The following RSRP1 variants were observed in gnomAD, a reference collection of about 807,000 sequenced individuals.
RSRP1 encodes the protein arginine/serine-rich protein 1.
A neutral mutation model predicts 33.0 loss-of-function variants in RSRP1; 37 were observed. That is an observed-to-expected ratio of 1.12 (90% CI 0.86 to 1.48). The LOEUF is 1.48. Among genes scored for constraint, RSRP1 ranks in the 40% most tolerant of loss-of-function variants. The pLI is 0.00. For synonymous variants in RSRP1, 167 were observed against 158.7 expected (o/e 1.05, Z -0.40); for missense variants, 402 against 385.3 (o/e 1.04, Z -0.36).
chr1:25,299,963 T>C lies in RSRP1; in HGVS notation c.-67+38015A>G, dbSNP rs1643259152. Among the ~76,000 whole-genome samples, 2 of 130,898 alleles carry C rather than the reference T, an allele frequency of 1.5e-5. 1 individual carries two copies. The highest frequency in any genetic ancestry group is 5.3e-5 in the African/African-American group (2 of 38,080). The allele number at this position is 130,898 out of a possible 152,430, so 85.9% of individuals were successfully genotyped here. On this transcript the variant is annotated intron_variant, in intron 1 of 1. Coordinates refer to the RSRP1 transcript ENST00000561867. ...CAGGGTTTTGCCATGTTGGCCAGGCTGGTATCGAACTCCTGACCTCAGGTG... is the reference window on the plus strand; with the variant it reads ...CAGGGTTTTGCCATGTTGGCCAGGCCGGTATCGAACTCCTGACCTCAGGTG...
At position 25,284,846 on chromosome 1, in the gene RSRP1, C is replaced by T; in HGVS notation, c.-66-37817G>A. Reference sequence around the variant, plus strand: ...GTTCCAGAAGATCTGGGATATTGCCCCCTCTCTGTCTAGCACCAGTGCTGT... The same window carrying T: ...GTTCCAGAAGATCTGGGATATTGCCTCCTCTCTGTCTAGCACCAGTGCTGT... On this transcript the variant is annotated intron_variant, in intron 1 of 1. Transcript: ENST00000561867. 2.5e-6 allele frequency: 3 copies of T among 1,213,944 alleles called. No homozygotes were observed. In the Admixed American group the frequency reaches 5.8e-5, roughly 23 times the overall value. 75.2% of individuals were successfully genotyped at this position (1,213,944 alleles called of 1,614,324 possible). A position where few individuals can be genotyped will look rare whatever the true frequency, so the allele number is the denominator to read the frequency against.
In RSRP1 at chr1:25,332,156, C is replaced by G. The variant is rs1244255508; in HGVS notation, c.-67+5822G>C. ...TGTTCAAGCGATTCTCCCACCTCTGCCTCCCGTGTAGCTGGGATCACAGGC... is the reference window on the plus strand; with the variant it reads ...TGTTCAAGCGATTCTCCCACCTCTGGCTCCCGTGTAGCTGGGATCACAGGC... On this transcript the variant is annotated intron_variant, in intron 1 of 1. Transcript: ENST00000561867. Among the ~76,000 whole-genome samples, 3 of 126,072 alleles carry G rather than the reference C, an allele frequency of 2.4e-5. 1 individual carries two copies. Among genetic ancestry groups the G allele is most frequent in the Admixed American group, 2.3e-4 (3 of 12,880 alleles). 82.7% of individuals were successfully genotyped at this position (126,072 alleles called of 152,430 possible). A position where few individuals can be genotyped will look rare whatever the true frequency, so the allele number is the denominator to read the frequency against.
At chr1:25,243,324 G>A (rs987982800) in intron 4 of RSRP1, among the ~76,000 whole-genome samples, 3 of 152,068 alleles carry the variant, frequency 2.0e-5, no homozygotes, top group Non-Finnish European at 2.9e-5. Flanking sequence ...AAAAAGGGGG[G>A]ACACTTAAAA....
In RSRP1 at chr1:25,299,754, TTTTA is replaced by T. The variant is rs569606386; in HGVS notation, c.-67+38220_-67+38223del. 5.0e-4 allele frequency among the ~76,000 whole-genome samples: 66 copies of T among 132,806 alleles called. 7 individuals are homozygous for T. The South Asian group carries it at 0.015, about 29-fold the overall frequency. 87.1% of individuals were successfully genotyped at this position (132,806 alleles called of 152,430 possible). ...GTAACATGATCTGACTTGCATTTTA[TTTTA>T]TTTATTTATTTGACGCAGTGTCACT... On this transcript the variant is annotated intron_variant, in intron 1 of 1. Coordinates refer to the RSRP1 transcript ENST00000561867.
At position 25,322,246 on chromosome 1, in the gene RSRP1, A is replaced by G. The variant is rs1028937965; in HGVS notation, c.-67+15732T>C. ...CCACACTTCCCCTCCCCCTATCTGCAGTCCTCAGCGTAGCCAAATAGTCTG... is the reference window on the plus strand; with the variant it reads ...CCACACTTCCCCTCCCCCTATCTGCGGTCCTCAGCGTAGCCAAATAGTCTG... On this transcript the variant is annotated intron_variant, in intron 1 of 1. Coordinates refer to the RSRP1 transcript ENST00000561867. Among the ~76,000 whole-genome samples, 33 of 132,456 alleles carry G rather than the reference A, an allele frequency of 2.5e-4. 7 individuals carry two copies. The highest frequency in any genetic ancestry group is 3.0e-4 in the Non-Finnish European group (17 of 55,852). The allele number at this position is 132,456 out of a possible 152,430, so 86.9% of individuals were successfully genotyped here.
chr1:25,299,521 T>TA (rs1643218418), intron 1 of RSRP1, among the ~76,000 whole-genome samples: 1 of 131,650 alleles, frequency 7.6e-6, no homozygotes, highest in Middle Eastern at 3.7e-3. Context: ...CTGCCCTTGT[T>TA]ACACCCTGGC....
At chr1:25,300,078 TAAG>T (rs1359803193) in intron 1 of RSRP1, among the ~76,000 whole-genome samples, 1 of 131,352 alleles carries the variant, frequency 7.6e-6, no homozygotes, top group African/African-American at 2.6e-5. Flanking sequence ...TTTGGTATTA[TAAG>T]AAGTCTGGTT....
At chr1:25,248,865 G>A (rs28429653), upstream of RSRP1, among the ~76,000 whole-genome samples, 786 of 152,188 alleles carry the variant, frequency 5.2e-3, 8 homozygotes, top group African/African-American at 0.018. Flanking sequence ...AAAATAACAC[G>A]AGGCCAGTCG....
At chr1:25,319,292 T>C (rs28397158) in intron 1 of RSRP1, among the ~76,000 whole-genome samples, 125,773 of 130,556 alleles carry the variant, frequency 0.96, 61,368 homozygotes, top group Middle Eastern at 1. Context: ...ACAAGTTTTC[T>C]TCTTTACATG....
chr1:25,286,920 C>A (rs1206364745), intron 1 of RSRP1, among the ~76,000 whole-genome samples: 1 of 134,218 alleles, frequency 7.5e-6, no homozygotes, highest in Non-Finnish European at 1.8e-5. Context: ...TGGTGAAATC[C>A]TGTCTCTACT....
At position 25,242,716 on chromosome 1, in the gene RSRP1, A is replaced by T. The variant is rs1445523164; in HGVS notation, c.757-11T>A. On this transcript the variant is annotated splice_polypyrimidine_tract_variant and intron_variant, in intron 4 of 4. Coordinates refer to ENST00000243189, the MANE Select transcript of RSRP1 (RefSeq NM_020317.5). The stretch of plus-strand genomic sequence containing the variant: ...CTTTGCTACAGAATTCTGTAAAAGA[A>T]CAAATTCAGTCAGCTTCCCAAACAT... 1 of 1,548,478 alleles carries T rather than the reference A, an allele frequency of 6.5e-7. No homozygotes were observed. Among genetic ancestry groups the T allele is most frequent in the South Asian group, 1.1e-5 (1 of 88,514 alleles).
chr1:25,276,910 CA>C (rs1425935379), intron 1 of RSRP1, among the ~76,000 whole-genome samples: 1 of 129,602 alleles, frequency 7.7e-6, no homozygotes, highest in East Asian at 2.0e-4. Flanking sequence ...ACCAAAAATA[CA>C]AAAAAATTAG....
intron 2 of RSRP1, 39 bp downstream of exon 2, chr1:25,246,405 A>C: frequency 1.3e-6 from 2 of 1,599,400 alleles, no homozygotes; most frequent in Non-Finnish European, 1.7e-6. Flanking sequence ...TACTGCCACC[A>C]TACATTACCA....
chr1:25,284,058 G>A (rs1483363151), intron 1 of RSRP1, among the ~76,000 whole-genome samples: 4 of 135,174 alleles, frequency 3.0e-5, no homozygotes, highest in African/African-American at 1.0e-4. Context: ...GGTTTGCTGT[G>A]AAGATTATGT....
At chr1:25,246,187 C>T (rs913442080) in intron 2 of RSRP1, among the ~76,000 whole-genome samples, 10 of 152,186 alleles carry the variant, frequency 6.6e-5, no homozygotes, top group Non-Finnish European at 1.3e-4. Context: ...ATTTAAAAGG[C>T]TCCACCCACT....
chr1:25,249,167 TAAC>T (rs1434895429), upstream of RSRP1, among the ~76,000 whole-genome samples: 3 of 152,002 alleles, frequency 2.0e-5, no homozygotes, highest in Middle Eastern at 3.2e-3. Flanking sequence ...ATAATAATAA[TAAC>T]AACACGAGTT....
upstream of RSRP1, among the ~76,000 whole-genome samples, chr1:25,248,849 G>C (rs909180693): frequency 2.0e-5 from 3 of 152,084 alleles, no homozygotes; most frequent in African/African-American, 7.2e-5. Context: ...TGTGTGAGTG[G>C]ACAGAAAAAT....
chr1:25,306,621 T>C, intron 1 of RSRP1: 1 of 1,378,074 alleles, frequency 7.3e-7, no homozygotes, highest in Non-Finnish European at 1.0e-6. Context: ...GTGCTGGGGA[T>C]TCCCCACAGC....
intron 1 of RSRP1, 47 bp from the exon 2 acceptor site, chr1:25,247,076 G>A (rs561042190): frequency 2.5e-6 from 3 of 1,179,784 alleles, no homozygotes; most frequent in African/African-American, 1.5e-5. Context: ...GGAAGCCGGC[G>A]CCTGGCCACC....
Sources: allele counts gnomAD v4.1 joint callset (sites outside exome capture counted in the v4.1 genomes callset), GRCh38; gene constraint gnomAD v4.1.1; transcripts MANE v1.5; gene names NCBI Gene and HGNC (gene_info 2026-07-23, HGNC 2026-07-21).